HDAC9: variants seen among roughly 807,000 people sequenced by gnomAD.
HDAC9 encodes MEF-2 interacting transcription repressor (MITR) protein.
HDAC9 carries 41 observed loss-of-function variants against 139.4 expected under a neutral mutation model. That is an observed-to-expected ratio of 0.29 (90% CI 0.23 to 0.38). The LOEUF (loss-of-function observed/expected upper bound fraction) is 0.38. Ranked by LOEUF, HDAC9 falls within the 10% of genes least tolerant of loss-of-function variation. The pLI is 1.00. For missense variants in HDAC9, 1,147 were observed against 1,297.0 expected (o/e 0.88, Z 1.78); for synonymous variants, 517 against 476.2 (o/e 1.09, Z -1.12).
At chr7:18,108,957 A>G (rs1231925929) in intron 1 of HDAC9, among the ~76,000 whole-genome samples, 2 of 152,100 alleles carry the variant, frequency 1.3e-5, no homozygotes, top group Non-Finnish European at 2.9e-5. Flanking sequence ...GCCAGTCAAA[A>G]GCTTGTTTTC....
At chr7:18,753,894 T>G (rs1056760013) in intron 14 of HDAC9, among the ~76,000 whole-genome samples, 2 of 152,098 alleles carry the variant, frequency 1.3e-5, no homozygotes, top group Admixed American at 1.3e-4. Context: ...ACACTAGAAG[T>G]GTTAAGCAGT....
intron 22 of HDAC9, among the ~76,000 whole-genome samples, chr7:18,927,323 C>T (rs1472500402): frequency 6.6e-6 from 1 of 152,100 alleles, no homozygotes; most frequent in African/African-American, 2.4e-5. Flanking sequence ...GCATTCCTCC[C>T]ATCTGCAACA....
intron 15 of HDAC9, among the ~76,000 whole-genome samples, chr7:18,764,636 T>C (rs1277765028): frequency 6.6e-6 from 1 of 152,168 alleles, no homozygotes; most frequent in Admixed American, 6.6e-5. Flanking sequence ...TGTTGTTTGT[T>C]TGTTTGTTTG....
chr7:18,396,697 C>G (rs1052432424), intron 1 of HDAC9, among the ~76,000 whole-genome samples: 1 of 152,030 alleles, frequency 6.6e-6, no homozygotes. Flanking sequence ...CTTAAAAATT[C>G]CAGGTTTCTA....
At chr7:18,248,336 A>G (rs188458908) in intron 2 of HDAC9, among the ~76,000 whole-genome samples, 1 of 152,330 alleles carries the variant, frequency 6.6e-6, no homozygotes, top group Admixed American at 6.5e-5. Context: ...AAACACCTGA[A>G]CAACCATCAT....
At chr7:18,622,252 A>T (rs931695257) in intron 6 of HDAC9, among the ~76,000 whole-genome samples, 1 of 152,224 alleles carries the variant, frequency 6.6e-6, no homozygotes, top group African/African-American at 2.4e-5. Flanking sequence ...ACCTATGATT[A>T]CAGAGCTAAA....
chr7:18,151,521 A>G (rs1432789699), intron 1 of HDAC9, among the ~76,000 whole-genome samples: 3 of 152,210 alleles, frequency 2.0e-5, no homozygotes, highest in Non-Finnish European at 4.4e-5. Flanking sequence ...ATGTCTTTGC[A>G]GCCTCCTTGA....
At chr7:18,195,065 GT>G (rs1291677492) in intron 2 of HDAC9, among the ~76,000 whole-genome samples, 1 of 152,004 alleles carries the variant, frequency 6.6e-6, no homozygotes, top group Non-Finnish European at 1.5e-5. Flanking sequence ...TCTGCCACTG[GT>G]CACAAACGCT....
intron 2 of HDAC9, among the ~76,000 whole-genome samples, chr7:18,572,847 G>A (rs1333178588): frequency 6.6e-6 from 1 of 152,150 alleles, no homozygotes; most frequent in African/African-American, 2.4e-5. Context: ...TAAAGAACTA[G>A]CAAACATTGC....
intron 1 of HDAC9, among the ~76,000 whole-genome samples, chr7:18,106,527 A>G (rs1427612125): frequency 6.6e-6 from 1 of 151,822 alleles, no homozygotes. Flanking sequence ...ATCTTAGCTC[A>G]CTGCAACCTC....
chr7:18,806,605 A>G (rs1212365012), intron 17 of HDAC9, among the ~76,000 whole-genome samples: 1 of 152,182 alleles, frequency 6.6e-6, no homozygotes, highest in Non-Finnish European at 1.5e-5. Context: ...TGTAATTATG[A>G]TATTAGCTGT....
intron 2 of HDAC9, among the ~76,000 whole-genome samples, chr7:18,232,896 A>G (rs951208760): frequency 2.6e-5 from 4 of 152,200 alleles, no homozygotes; most frequent in Non-Finnish European, 4.4e-5. Context: ...CTAATCTGCT[A>G]TCCATGCAAA....
At chr7:18,627,341 A>C (rs1226330373) in intron 6 of HDAC9, among the ~76,000 whole-genome samples, 1 of 152,222 alleles carries the variant, frequency 6.6e-6, no homozygotes, top group Non-Finnish European at 1.5e-5. Flanking sequence ...AGTTCTGAGA[A>C]TCTATGATTT....
chr7:18,989,647 G>A (rs1418586880), intron 25 of HDAC9, among the ~76,000 whole-genome samples: 5 of 151,096 alleles, frequency 3.3e-5, no homozygotes, highest in Non-Finnish European at 7.4e-5. Flanking sequence ...CCTGCAGAGT[G>A]TTTTCCAACT....
intron 14 of HDAC9, among the ~76,000 whole-genome samples, chr7:18,758,571 A>G (rs1193593806): frequency 1.3e-5 from 2 of 152,148 alleles, no homozygotes. Context: ...GAAGATCTCA[A>G]TATGAAAGGA....
chr7:18,795,952 G>A lies in HDAC9; in HGVS notation c.2322+2500G>A, dbSNP rs551565080. ...ATAGGGAAGCTTATTCAAGGACACTGGTAAGTAATAAGAAATGTGAAAAGA... is the reference window on the plus strand; with the variant it reads ...ATAGGGAAGCTTATTCAAGGACACTAGTAAGTAATAAGAAATGTGAAAAGA... On this transcript the variant is annotated intron_variant, in intron 17 of 25. Transcript: ENST00000686413. Among the ~76,000 whole-genome samples the A allele has an allele frequency of 1.2e-4, 18 of 152,248 alleles. No individual in the cohort carries two copies. The South Asian group carries it at 3.5e-3, about 30-fold the overall frequency.
chr7:18,862,834 A>G (rs909415674), intron 21 of HDAC9, among the ~76,000 whole-genome samples: 4 of 152,330 alleles, frequency 2.6e-5, no homozygotes, highest in Middle Eastern at 3.4e-3. Context: ...GAGAAAAGCT[A>G]TGTAGATTCA....
In HDAC9 at chr7:18,363,564, T is replaced by G. The variant is rs149597104; in HGVS notation, c.-42+73049T>G. 4.3e-4 allele frequency among the ~76,000 whole-genome samples: 65 copies of G among 152,306 alleles called. 1 individual carries two copies. The East Asian group carries it at 0.012, about 29-fold the overall frequency. ...TGTAAATAAATCAGTGGCATCTAAGTTAGACTTGATTTTGAAGTGCTGTTA... is the reference window on the plus strand; with the variant it reads ...TGTAAATAAATCAGTGGCATCTAAGGTAGACTTGATTTTGAAGTGCTGTTA... On this transcript the variant is annotated intron_variant, in intron 1 of 3. Coordinates refer to the HDAC9 transcript ENST00000413509.
intron 1 of HDAC9, among the ~76,000 whole-genome samples, chr7:18,133,283 C>G (rs532018821): frequency 1.3e-5 from 2 of 152,182 alleles, no homozygotes; most frequent in South Asian, 4.1e-4. Context: ...AGTCTTTGGA[C>G]ATATCAGAAT....
Sources: allele counts gnomAD v4.1 joint callset (sites outside exome capture counted in the v4.1 genomes callset), GRCh38; gene constraint gnomAD v4.1.1; transcripts MANE v1.5; gene names NCBI Gene and HGNC (gene_info 2026-07-23, HGNC 2026-07-21).